ANO4: variants seen among roughly 807,000 people sequenced by gnomAD.
ANO4 encodes the protein anoctamin 4.
Under a neutral mutation model 141.9 loss-of-function variants are expected in ANO4, and 69 were observed. The observed-to-expected ratio is 0.49, with a 90% CI of 0.40 to 0.59. The LOEUF is 0.59. Among genes scored for constraint, ANO4 ranks in the 20% least tolerant of loss-of-function variants. ANO4 has a pLI of 0.00. For missense variants in ANO4, 894 were observed against 1,162.2 expected (o/e 0.77, Z 3.36); for synonymous variants, 350 against 394.3 (o/e 0.89, Z 1.33).
chr12:100,874,318 C>T (rs1315937720), intron 1 of ANO4, among the ~76,000 whole-genome samples: 1 of 152,140 alleles, frequency 6.6e-6, no homozygotes, highest in Non-Finnish European at 1.5e-5. Flanking sequence ...AATGGTAGAT[C>T]CACTGGCAAC....
intron 8 of ANO4, among the ~76,000 whole-genome samples, chr12:101,001,619 A>G (rs932535827): frequency 2.6e-5 from 4 of 152,124 alleles, no homozygotes; most frequent in African/African-American, 9.7e-5. Context: ...TTGACTGCCC[A>G]CTAGACACCG....
At chr12:101,051,179 A>G (rs771903502) in intron 14 of ANO4, among the ~76,000 whole-genome samples, 4 of 152,204 alleles carry the variant, frequency 2.6e-5, no homozygotes, top group Non-Finnish European at 5.9e-5. Context: ...TTTATGTTAT[A>G]GATGACAAAT....
intron 13 of ANO4, among the ~76,000 whole-genome samples, chr12:101,045,998 G>T (rs562820301): frequency 1.3e-5 from 2 of 152,156 alleles, no homozygotes; most frequent in Non-Finnish European, 2.9e-5. Context: ...TGGCCTGTTG[G>T]GTACTTGTCC....
chr12:100,886,356 TAC>T (rs1458877221), intron 1 of ANO4, among the ~76,000 whole-genome samples: 1 of 146,226 alleles, frequency 6.8e-6, no homozygotes, highest in East Asian at 2.0e-4. Context: ...AAAAATTTCA[TAC>T]AAAAGTATGT....
intron 8 of ANO4, among the ~76,000 whole-genome samples, chr12:101,006,349 G>A (rs539730971): frequency 2.0e-5 from 3 of 152,068 alleles, no homozygotes; most frequent in African/African-American, 4.8e-5. Context: ...TCACCATTTT[G>A]TCTTATTAGG....
At chr12:100,811,682 T>A (rs2035445185) in intron 1 of ANO4, among the ~76,000 whole-genome samples, 1 of 152,162 alleles carries the variant, frequency 6.6e-6, no homozygotes, top group African/African-American at 2.4e-5. Flanking sequence ...GACCAAAGGT[T>A]CTAGTTTGAT....
chr12:101,016,586 T>C (rs2046325486), intron 8 of ANO4, among the ~76,000 whole-genome samples: 1 of 152,212 alleles, frequency 6.6e-6, no homozygotes, highest in Admixed American at 6.5e-5. Flanking sequence ...GTTCTTCAGA[T>C]GGTCAGCTCA....
At chr12:100,841,965 G>A (rs1169322919) in intron 1 of ANO4, among the ~76,000 whole-genome samples, 1 of 150,450 alleles carries the variant, frequency 6.6e-6, no homozygotes, top group African/African-American at 2.5e-5. Context: ...CTTCCTGATA[G>A]CGAGTCAGCA....
chr12:101,036,636 T>C (rs1381921700), intron 9 of ANO4, among the ~76,000 whole-genome samples: 1 of 152,112 alleles, frequency 6.6e-6, no homozygotes, highest in African/African-American at 2.4e-5. Flanking sequence ...GTGTAGAATC[T>C]TAAAAAGCCA....
At chr12:101,052,906 A>C (rs2047932162) in intron 14 of ANO4, among the ~76,000 whole-genome samples, 2 of 152,218 alleles carry the variant, frequency 1.3e-5, no homozygotes. Context: ...GAGGTTATGC[A>C]ACTTGCCCAG....
chr12:100,732,494 C>A (rs182373459), intron 1 of ANO4, among the ~76,000 whole-genome samples: 1 of 152,196 alleles, frequency 6.6e-6, no homozygotes, highest in East Asian at 1.9e-4. Context: ...ATGTGTTTTA[C>A]AAATATTTTC....
intron 1 of ANO4, among the ~76,000 whole-genome samples, chr12:100,876,133 C>T (rs566487113): frequency 2.4e-4 from 37 of 152,046 alleles, no homozygotes; most frequent in African/African-American, 6.5e-4. Flanking sequence ...TTTTATTTTT[C>T]GCCAGGCCCT....
At chr12:101,019,975 A>C (rs2046457598) in intron 8 of ANO4, 59 bp from the exon 9 acceptor site, 9 of 1,415,894 alleles carry the variant, frequency 6.4e-6, no homozygotes, top group Non-Finnish European at 9.0e-6. Flanking sequence ...ATTATAACAA[A>C]AATTAGATCC....
intron 3 of ANO4, among the ~76,000 whole-genome samples, chr12:100,754,007 TCA>T (rs1239649665): frequency 6.6e-6 from 1 of 152,198 alleles, no homozygotes; most frequent in Non-Finnish European, 1.5e-5. Context: ...TCATCATCCC[TCA>T]GTTCTTTTGC....
At chr12:100,940,125 G>C (rs577996773) in intron 4 of ANO4, among the ~76,000 whole-genome samples, 1 of 151,032 alleles carries the variant, frequency 6.6e-6, no homozygotes, top group African/African-American at 2.4e-5. Flanking sequence ...AGAGAAAATT[G>C]TTTACTCTTG....
chr12:100,992,171 C>G (rs1397991984), intron 8 of ANO4, among the ~76,000 whole-genome samples: 1 of 152,236 alleles, frequency 6.6e-6, no homozygotes, highest in Non-Finnish European at 1.5e-5. Flanking sequence ...AATCCATTCT[C>G]TCAGGTGCAT....
At chr12:100,884,507 G>A (rs1282731664) in intron 1 of ANO4, among the ~76,000 whole-genome samples, 1 of 152,114 alleles carries the variant, frequency 6.6e-6, no homozygotes, top group African/African-American at 2.4e-5. Flanking sequence ...AGGAGAGGTG[G>A]GGACCTGTAT....
intron 3 of ANO4, among the ~76,000 whole-genome samples, chr12:100,782,998 T>C (rs967312288): frequency 2.0e-5 from 3 of 152,230 alleles, no homozygotes; most frequent in Non-Finnish European, 4.4e-5. Context: ...GTGATTACTT[T>C]CATTGTTAAC....
chr12:101,005,603 T>C (rs577152428), intron 8 of ANO4, among the ~76,000 whole-genome samples: 28 of 152,336 alleles, frequency 1.8e-4, no homozygotes, highest in Admixed American at 5.2e-4. Context: ...CCTCTTCATC[T>C]GTAAATTGGA....
Sources: gnomAD v4.1 joint callset for allele counts (sites outside exome capture counted in the v4.1 genomes callset) on GRCh38, gnomAD v4.1.1 for gene constraint, MANE v1.5 for transcripts, NCBI Gene and HGNC (gene_info 2026-07-23, HGNC 2026-07-21) for gene names.